The following ZMIZ1 variants were observed in gnomAD, a reference collection of about 807,000 sequenced individuals.
ZMIZ1 encodes the protein zinc finger MIZ domain-containing protein 1.
Under a neutral mutation model 113.9 loss-of-function variants are expected in ZMIZ1, and 17 were observed. The ratio of observed to expected loss-of-function variants is 0.15; its 90% CI spans 0.10 to 0.22. ZMIZ1 has a LOEUF of 0.22. Among genes scored for constraint, ZMIZ1 ranks in the 10% least tolerant of loss-of-function variants. The pLI is 1.00. For missense variants in ZMIZ1, 1,059 were observed against 1,477.8 expected (o/e 0.72, Z 4.65); for synonymous variants, 607 against 603.1 (o/e 1.01, Z -0.09).
chr10:79,276,752 G>T (rs1284126408), intron 7 of ZMIZ1, among the ~76,000 whole-genome samples: 1 of 152,164 alleles, frequency 6.6e-6, no homozygotes, highest in African/African-American at 2.4e-5. Flanking sequence ...TCTGATCGAA[G>T]TGTGAGGGAG....
intron 9 of ZMIZ1, 100 bp downstream of exon 9, chr10:79,289,989 C>A (rs1853368632): frequency 1.6e-6 from 2 of 1,230,228 alleles, no homozygotes; most frequent in Non-Finnish European, 2.3e-6. Flanking sequence ...CAGGCCTTGC[C>A]CTGCTGGAAA....
rs1353013412 is a variant in ZMIZ1 at position 79,312,504 on chromosome 10, C to G, written c.3097-138C>G. ...ATACCTGGCAGGCCCAAGCCCAAGG[C>G]TGTTCTCTACCCCTTTTTTTGGCTA... On this transcript the variant is annotated intron_variant, in intron 24 of 24. Transcript: ENST00000334512. 34 of 850,416 alleles carry G rather than the reference C, an allele frequency of 4.0e-5. No homozygotes were observed. In the Admixed American group the frequency reaches 6.5e-4, roughly 16 times the overall value. The allele number at this position is 850,416 out of a possible 1,614,324, so 52.7% of individuals were successfully genotyped here.
intron 7 of ZMIZ1, among the ~76,000 whole-genome samples, chr10:79,276,063 A>T (rs961880389): frequency 2.6e-5 from 4 of 152,160 alleles, no homozygotes; most frequent in Non-Finnish European, 1.5e-5. Flanking sequence ...CAGGAGTAGG[A>T]CATCAGCTGA....
intron 7 of ZMIZ1, among the ~76,000 whole-genome samples, chr10:79,227,368 T>TC (rs1849236600): frequency 1.3e-5 from 2 of 152,168 alleles, no homozygotes; most frequent in Non-Finnish European, 2.9e-5. Context: ...ATTTCAGATA[T>TC]TTTTTCCAGA....
In ZMIZ1 at chr10:79,296,609, G is replaced by A. The variant is rs556061702; in HGVS notation, c.1369G>A (p.Gly457Arg). ...GAGGATGCCCAGCCAGCCGAGCTCC[G>A]GGCAGTACCCGCCCCCCACGGTCAA... ...GQRMPSQPSS[G>R]QYPPPTVNMG... The change falls in exon 13 of 25, where the codon GGG becomes AGG. Residue 457 changes from glycine (G) to arginine (R), a missense_variant. Gly to Arg is a moderately radical substitution (Grantham distance 125). Transcript: ENST00000334512. This position sits in a 1 kb window ranked among gnomAD's most constrained non-coding sequence, Gnocchi z 4.1. The A allele has an allele frequency of 1.9e-5, 30 of 1,600,064 alleles. No homozygotes were observed. The highest frequency in any genetic ancestry group is 6.9e-5 in the African/African-American group (5 of 72,638).
At chr10:79,149,882 C>A (rs1845643154) in intron 3 of ZMIZ1, among the ~76,000 whole-genome samples, 1 of 152,240 alleles carries the variant, frequency 6.6e-6, no homozygotes, top group South Asian at 2.1e-4. Context: ...GTGTGCCCTC[C>A]TGGGAAGAAA....
chr10:79,212,159 A>AT (rs1170522664), intron 6 of ZMIZ1, among the ~76,000 whole-genome samples: 3 of 149,532 alleles, frequency 2.0e-5, no homozygotes, highest in South Asian at 2.1e-4. Context: ...TTTTTTTTTA[A>AT]TTTTTTTTAA....
At chr10:79,283,345 T>C (rs1373203621) in intron 8 of ZMIZ1, among the ~76,000 whole-genome samples, 1 of 152,172 alleles carries the variant, frequency 6.6e-6, no homozygotes, top group East Asian at 1.9e-4. Context: ...TTACTTACCC[T>C]CCTTGTGCCT....
At chr10:79,107,367 A>T (rs995182867) in intron 1 of ZMIZ1, among the ~76,000 whole-genome samples, 1 of 152,168 alleles carries the variant, frequency 6.6e-6, no homozygotes, top group Non-Finnish European at 1.5e-5. Flanking sequence ...TCTGTGCCTC[A>T]GTTTCTTCAT....
At chr10:79,298,076 G>A (rs7905321) in intron 14 of ZMIZ1, among the ~76,000 whole-genome samples, 17,327 of 152,096 alleles carry the variant, frequency 0.11, 1,444 homozygotes, top group East Asian at 0.24. Flanking sequence ...CTTCATTCCC[G>A]CTGTCCTGTC....
rs369938197 is a variant in ZMIZ1 at position 79,098,200 on chromosome 10, C to G, written c.-336-20715C>G. Among the ~76,000 whole-genome samples the G allele has an allele frequency of 2.6e-5, 4 of 152,324 alleles. No individual in the cohort carries two copies. In the East Asian group the frequency reaches 5.8e-4, roughly 22 times the overall value. ...TAGACTAGGAGAAGAGACTATTAGA[C>G]TGGGGAGCTCTGTGGGCCCAGGCCC... On this transcript the variant is annotated intron_variant, in intron 1 of 24. Transcript: ENST00000334512.
At chr10:79,096,647 G>T (rs572000405) in intron 1 of ZMIZ1, among the ~76,000 whole-genome samples, 1 of 152,096 alleles carries the variant, frequency 6.6e-6, no homozygotes, top group East Asian at 1.9e-4. Context: ...GCTGCCTTGA[G>T]GGGTTGATAG....
chr10:79,185,893 C>CTGTACAGGGAGGCTGGAACTCTCA (rs1444627609), intron 4 of ZMIZ1, among the ~76,000 whole-genome samples: 1 of 152,114 alleles, frequency 6.6e-6, no homozygotes, highest in Non-Finnish European at 1.5e-5. Context: ...CATCTGCTCC[C>CTGTACAGGGAGGCTGGAACTCTCA]TGTACAGGGA....
intron 24 of ZMIZ1, among the ~76,000 whole-genome samples, chr10:79,312,299 T>G (rs1855230881): frequency 6.6e-6 from 1 of 152,240 alleles, no homozygotes; most frequent in African/African-American, 2.4e-5. Context: ...GCATGTGATT[T>G]CAGCTGGGAG....
chr10:79,305,466 G>A, intron 20 of ZMIZ1, 67 bp from the exon 21 acceptor site: 1 of 1,554,980 alleles, frequency 6.4e-7, no homozygotes, highest in Non-Finnish European at 8.9e-7. Flanking sequence ...ACACTGAGGT[G>A]GATGGGCTTT....
intron 7 of ZMIZ1, among the ~76,000 whole-genome samples, chr10:79,235,291 G>A (rs1849543661): frequency 6.6e-6 from 1 of 152,218 alleles, no homozygotes; most frequent in Admixed American, 6.5e-5. Context: ...ACACGGGGTG[G>A]TGAAAGGAAG....
intron 8 of ZMIZ1, among the ~76,000 whole-genome samples, chr10:79,281,295 A>C (rs1852727366): frequency 6.6e-6 from 1 of 152,232 alleles, no homozygotes; most frequent in Non-Finnish European, 1.5e-5. Context: ...GGAATCTGGC[A>C]GAGCAGGGCA....
chr10:79,203,275 C>G (rs139113074), intron 5 of ZMIZ1, among the ~76,000 whole-genome samples: 265 of 152,276 alleles, frequency 1.7e-3, no homozygotes, highest in South Asian at 3.5e-3. Context: ...TTATTAGCAT[C>G]GAGCAGAGGA....
intron 19 of ZMIZ1, among the ~76,000 whole-genome samples, chr10:79,304,729 C>T (rs948518559): frequency 6.6e-6 from 1 of 152,230 alleles, no homozygotes; most frequent in African/African-American, 2.4e-5. Flanking sequence ...CCCCTCCTCC[C>T]TCCCAAAGAA....
Sources: gnomAD v4.1 joint callset for allele counts (sites outside exome capture counted in the v4.1 genomes callset) on GRCh38, gnomAD v4.1.1 for gene constraint, Gnocchi (gnomAD v3.1) non-coding constraint, MANE v1.5 for transcripts, NCBI Gene and HGNC (gene_info 2026-07-23, HGNC 2026-07-21) for gene names.